Variants in KDM4C observed in about 807,000 individuals in gnomAD.
The protein encoded by KDM4C is lysine-specific demethylase 4C.
Under a neutral mutation model 129.3 loss-of-function variants are expected in KDM4C, and 81 were observed. The ratio of observed to expected loss-of-function variants is 0.63; its 90% confidence interval spans 0.52 to 0.75. KDM4C has a LOEUF of 0.75. Among genes scored for constraint, KDM4C ranks in the 30% least tolerant of loss-of-function variants. The pLI is 0.00. For synonymous variants in KDM4C, 573 were observed against 456.1 expected (o/e 1.26, Z -3.26); for missense variants, 1,457 against 1,304.0 (o/e 1.12, Z -1.81).
At chr9:6,780,151 G>T (rs1469185442) in intron 1 of KDM4C, among the ~76,000 whole-genome samples, 1 of 152,046 alleles carries the variant, frequency 6.6e-6, no homozygotes, top group East Asian at 1.9e-4. Flanking sequence ...CCAAATACCA[G>T]TTGAATACTC....
intron 5 of KDM4C, among the ~76,000 whole-genome samples, chr9:6,849,996 A>G (rs1412316646): frequency 1.3e-5 from 2 of 152,204 alleles, no homozygotes; most frequent in Non-Finnish European, 2.9e-5. Context: ...TTCTTTTTCC[A>G]TGTTTAGATA....
intron 17 of KDM4C, among the ~76,000 whole-genome samples, chr9:7,089,355 C>T (rs540644810): frequency 1.6e-3 from 245 of 152,256 alleles, no homozygotes; most frequent in African/African-American, 5.7e-3. Flanking sequence ...GAGGCATTTT[C>T]ATCTTTTGCA....
chr9:6,939,972 ACCTACCTTCCTTCCTT>A (rs1225201563), intron 8 of KDM4C, among the ~76,000 whole-genome samples: 3 of 106,552 alleles, frequency 2.8e-5, no homozygotes, highest in African/African-American at 6.9e-5. Flanking sequence ...CTACCTACCT[ACCTACCTTCCTTCCTT>A]CCTTCCTTCC....
chr9:7,077,170 C>G, intron 17 of KDM4C: 6 of 985,348 alleles, frequency 6.1e-6, no homozygotes, highest in Non-Finnish European at 7.2e-6. Flanking sequence ...GTTGCTGAAG[C>G]TCATGTTATC....
chr9:7,076,130 C>T (rs559013133), intron 17 of KDM4C, among the ~76,000 whole-genome samples: 2 of 152,262 alleles, frequency 1.3e-5, no homozygotes, highest in African/African-American at 2.4e-5. Flanking sequence ...CTCTTCTTTG[C>T]CAGGCCCAGT....
chr9:7,151,488 C>CGAAAAA (rs1842724137), intron 19 of KDM4C, among the ~76,000 whole-genome samples: 1 of 151,974 alleles, frequency 6.6e-6, no homozygotes, highest in East Asian at 1.9e-4. Flanking sequence ...TGTTGCTGGG[C>CGAAAAA]AACATAGCAA....
chr9:6,957,426 A>G (rs1237435395), intron 8 of KDM4C, among the ~76,000 whole-genome samples: 1 of 151,986 alleles, frequency 6.6e-6, no homozygotes, highest in Non-Finnish European at 1.5e-5. Context: ...CTCTTATGGG[A>G]CCCTGTTCTT....
intron 4 of KDM4C, among the ~76,000 whole-genome samples, chr9:6,820,166 T>C (rs1458880649): frequency 6.6e-6 from 1 of 152,156 alleles, no homozygotes; most frequent in Non-Finnish European, 1.5e-5. Context: ...TGGGCTTGAC[T>C]CTTTGCAGCC....
chr9:6,878,275 G>T (rs1843878666), intron 5 of KDM4C, among the ~76,000 whole-genome samples: 1 of 152,178 alleles, frequency 6.6e-6, no homozygotes, highest in Non-Finnish European at 1.5e-5. Flanking sequence ...GCAATAGTTG[G>T]TTAACCATAA....
At chr9:6,934,679 G>A (rs76197616) in intron 8 of KDM4C, among the ~76,000 whole-genome samples, 23 of 151,462 alleles carry the variant, frequency 1.5e-4, no homozygotes, top group Non-Finnish European at 2.9e-4. Flanking sequence ...GGCCAGGATG[G>A]TCTCAATCTC....
intron 12 of KDM4C, among the ~76,000 whole-genome samples, chr9:7,001,148 A>G (rs1236877075): frequency 6.6e-6 from 1 of 152,220 alleles, no homozygotes; most frequent in African/African-American, 2.4e-5. Flanking sequence ...CCCAGGCTTC[A>G]GAGAAATGGT....
intron 12 of KDM4C, among the ~76,000 whole-genome samples, chr9:7,009,821 T>A (rs1822359944): frequency 6.6e-6 from 1 of 152,214 alleles, no homozygotes; most frequent in Admixed American, 6.5e-5. Flanking sequence ...TTTGAATTGT[T>A]TGACTCTACT....
At chr9:6,937,793 C>T (rs1009433675) in intron 8 of KDM4C, among the ~76,000 whole-genome samples, 3 of 152,112 alleles carry the variant, frequency 2.0e-5, no homozygotes, top group East Asian at 1.9e-4. Flanking sequence ...CTCATTGCAA[C>T]CTCTGCCTCC....
At chr9:7,076,058 G>A (rs1435648463) in intron 17 of KDM4C, among the ~76,000 whole-genome samples, 1 of 152,040 alleles carries the variant, frequency 6.6e-6, no homozygotes, top group Non-Finnish European at 1.5e-5. Context: ...GCTGTACCTG[G>A]TGCCATCACA....
chr9:6,919,246 CT>C (rs141192980), intron 8 of KDM4C, among the ~76,000 whole-genome samples: 2,471 of 37,474 alleles, frequency 0.066, 65 homozygotes, highest in African/African-American at 0.21. Context: ...TTCTTTCTTT[CT>C]TTTCTTTCTT....
chr9:7,089,623 A>G (rs1438110237), intron 17 of KDM4C, among the ~76,000 whole-genome samples: 2 of 152,172 alleles, frequency 1.3e-5, no homozygotes, highest in Non-Finnish European at 2.9e-5. Context: ...TTAAAAGTGG[A>G]TTTTGGCTTT....
rs1486850493 is a variant in KDM4C at position 6,758,029 on chromosome 9, G to A, written c.-192G>A. On this transcript the variant is annotated 5_prime_UTR_variant, in exon 1 of 22. Transcript: ENST00000381309. The surrounding 1 kb of genome is among the most constrained non-coding windows in gnomAD (Gnocchi z 4.6). ...CCTCCCACCCACCCCCTCGACGGGAGGGTGAGGCGCGGCGCAGTGATCGGG... is the reference window on the plus strand; with the variant it reads ...CCTCCCACCCACCCCCTCGACGGGAAGGTGAGGCGCGGCGCAGTGATCGGG... 1.0e-6 allele frequency: 1 copy of A among 985,360 alleles called. No individual in the cohort carries two copies. The highest frequency in any genetic ancestry group is 6.1e-5 in the Admixed American group (1 of 16,274). 61.0% of individuals were successfully genotyped at this position (985,360 alleles called of 1,614,324 possible). A position where few individuals can be genotyped will look rare whatever the true frequency, so the allele number is the denominator to read the frequency against.
intron 15 of KDM4C, among the ~76,000 whole-genome samples, chr9:7,029,337 A>G (rs1486565853): frequency 6.7e-6 from 1 of 150,140 alleles, no homozygotes; most frequent in Non-Finnish European, 1.5e-5. Context: ...TGTTAAGGCT[A>G]AGTATTTCTG....
intron 5 of KDM4C, among the ~76,000 whole-genome samples, chr9:6,865,771 G>A (rs995090615): frequency 4.0e-5 from 6 of 150,146 alleles, no homozygotes; most frequent in East Asian, 2.0e-4. Flanking sequence ...TTTTTTGTGC[G>A]ACGGAGTCTC....
Sources: gnomAD v4.1 joint callset for allele counts (sites outside exome capture counted in the v4.1 genomes callset) on GRCh38, gnomAD v4.1.1 for gene constraint, Gnocchi (gnomAD v3.1) non-coding constraint, MANE v1.5 for transcripts, NCBI Gene and HGNC (gene_info 2026-07-23, HGNC 2026-07-21) for gene names.